CD36: variants seen among roughly 807,000 people sequenced by gnomAD.
The protein encoded by CD36 is platelet glycoprotein 4.
In CD36, 119 loss-of-function variants were observed where a neutral mutation model predicts 55.2. The ratio of observed to expected loss-of-function variants is 2.15; its 90% CI spans 1.86 to 2.51. The LOEUF is 2.51. Among genes scored for constraint, CD36 ranks in the 30% most tolerant of loss-of-function variants. CD36 has a pLI of 0.00. For missense variants in CD36, 819 were observed against 555.5 expected, an observed-to-expected ratio of 1.47 and a Z score of -4.77; for synonymous variants, 186 against 193.6, an observed-to-expected ratio of 0.96 and a Z score of 0.33.
chr7:80,673,801 C>G (rs539211571), intron 13 of CD36, 182 bp from the exon 14 acceptor site: 2 of 639,138 alleles, frequency 3.1e-6, no homozygotes, highest in South Asian at 1.8e-5. Context: ...TGAAGAGTAC[C>G]GTACTCTATC....
At chr7:80,673,466 T>C (rs1797933086) in intron 13 of CD36, 57 bp downstream of exon 13, 2 of 952,180 alleles carry the variant, frequency 2.1e-6, no homozygotes, top group Admixed American at 3.4e-5. Flanking sequence ...ATAAACAAGC[T>C]CTTGATGTTT....
At chr7:80,663,272 C>T in intron 6 of CD36, 103 bp downstream of exon 6, 1 of 984,308 alleles carries the variant, frequency 1.0e-6, no homozygotes, top group East Asian at 2.5e-5. Context: ...AGTCTTATTG[C>T]TGATCTGGAG....
At chr7:80,643,608 G>C (rs1172614794) in intron 1 of CD36, among the ~76,000 whole-genome samples, 1 of 152,110 alleles carries the variant, frequency 6.6e-6, no homozygotes, top group African/African-American at 2.4e-5. Flanking sequence ...GGAACAGGAA[G>C]ACAAAGTTAA....
chr7:80,661,274 A>AATGATAGGAT, intron 5 of CD36, 64 bp downstream of exon 5: 3 of 1,421,138 alleles, frequency 2.1e-6, no homozygotes, highest in Non-Finnish European at 3.0e-6. Flanking sequence ...AATTAATCCT[A>AATGATAGGAT]TCATTAGAAT....
At chr7:80,648,134 T>C (rs1238660791) in intron 3 of CD36, among the ~76,000 whole-genome samples, 1 of 152,088 alleles carries the variant, frequency 6.6e-6, no homozygotes, top group Non-Finnish European at 1.5e-5. Context: ...TTAGTTTTCT[T>C]GATAGTATTT....
intron 13 of CD36, chr7:80,673,752 C>A: frequency 1.7e-6 from 1 of 580,828 alleles, no homozygotes; most frequent in Non-Finnish European, 3.0e-6. Context: ...AACTGTTGAC[C>A]CTTTGATAGT....
rs868514702 is a variant in CD36, at chr7:80,658,272, T to A, written c.281+1572T>A. Among the ~76,000 whole-genome samples the A allele has an allele frequency of 8.8e-5, 12 of 137,086 alleles. No homozygotes were observed. In the Middle Eastern group the frequency reaches 0.02, roughly 227 times the overall value. 89.9% of individuals were successfully genotyped at this position (137,086 alleles called of 152,430 possible). The stretch of plus-strand genomic sequence containing the variant: ...AGAATGTTGTTAGGTGTACCATATA[T>A]ATATACACACATATATATATATGTA... On this transcript the variant is annotated intron_variant, in intron 4 of 14. Transcript: ENST00000447544.
At chr7:80,611,480 G>A (rs958882420) in intron 1 of CD36, among the ~76,000 whole-genome samples, 3 of 152,164 alleles carry the variant, frequency 2.0e-5, no homozygotes, top group Admixed American at 6.5e-5. Context: ...TGATAGCACT[G>A]GAGTTAGGAG....
chr7:80,609,390 T>A (rs559377723), intron 1 of CD36, among the ~76,000 whole-genome samples: 43 of 152,192 alleles, frequency 2.8e-4, no homozygotes, highest in Non-Finnish European at 5.6e-4. Flanking sequence ...AATGCAGTCC[T>A]GGCATAAGGA....
upstream of CD36, among the ~76,000 whole-genome samples, chr7:80,635,418 G>C (rs180979427): frequency 4.6e-5 from 7 of 152,066 alleles, no homozygotes; most frequent in Admixed American, 1.3e-4. Flanking sequence ...GGGATTACAG[G>C]CATGCACCAC....
chr7:80,638,490 T>C (rs1794574206), upstream of CD36: 1 of 150,602 alleles, frequency 6.6e-6, no homozygotes, highest in Non-Finnish European at 1.5e-5. Flanking sequence ...ATATCAGTAA[T>C]GTGCTGTGTG....
At chr7:80,672,920 T>C in intron 12 of CD36, 77 bp downstream of exon 12, 1 of 931,498 alleles carries the variant, frequency 1.1e-6, no homozygotes, top group Non-Finnish European at 1.7e-6. Context: ...TGAGTAAATC[T>C]ATGTAAGTAA....
intron 1 of CD36, among the ~76,000 whole-genome samples, chr7:80,626,794 AT>A (rs1793767113): frequency 6.6e-6 from 1 of 151,962 alleles, no homozygotes; most frequent in Non-Finnish European, 1.5e-5. Flanking sequence ...TTGTTTGAGT[AT>A]TTGTTCCCTG....
At chr7:80,662,896 G>C in intron 5 of CD36, 94 bp from the exon 6 acceptor site, 1 of 1,032,204 alleles carries the variant, frequency 9.7e-7, no homozygotes, top group South Asian at 1.4e-5. Context: ...GCTTTAAAAA[G>C]TTTTGTATTA....
Position 80,672,025 on chromosome 7 carries a change from C to CTTGGATAT in CD36, c.1112_1119dup (p.Glu374TrpfsTer6), listed in dbSNP as rs1242969201. Reference sequence around the variant, plus strand: ...CAAATGAAGAAGAACATAGGACATACTTGGATATTGAACCTGTAAGAAAAC... The same window carrying CTTGGATAT: ...CAAATGAAGAAGAACATAGGACATACTTGGATATTTGGATATTGAACCTGTAAGAAAAC... On this transcript the variant is annotated frameshift_variant, in exon 11 of 15. Coordinates refer to ENST00000447544, the MANE Select transcript of CD36 (RefSeq NM_001001548.3). LOFTEE classifies it high-confidence loss of function. 6 of 1,606,546 alleles carry CTTGGATAT rather than the reference C, an allele frequency of 3.7e-6. No individual in the cohort carries two copies. In the African/African-American group the frequency reaches 8.0e-5, roughly 22 times the overall value.
chr7:80,669,840 T>C, intron 8 of CD36, 113 bp from the exon 9 acceptor site: 1 of 790,298 alleles, frequency 1.3e-6, no homozygotes, highest in Non-Finnish European at 2.3e-6. Flanking sequence ...GCTAGATAAA[T>C]TACTTAGGCA....
At chr7:80,622,197 T>C (rs1056041533) in intron 1 of CD36, among the ~76,000 whole-genome samples, 3 of 152,212 alleles carry the variant, frequency 2.0e-5, no homozygotes, top group African/African-American at 4.8e-5. Context: ...ATAAAATTAT[T>C]TTCTGTCTTC....
chr7:80,668,166 G>T (rs901447698), intron 8 of CD36, among the ~76,000 whole-genome samples: 1 of 152,124 alleles, frequency 6.6e-6, no homozygotes, highest in African/African-American at 2.4e-5. Context: ...TGTATAAGCG[G>T]AATACTTAGT....
chr7:80,663,278 T>A (rs1412928209), intron 6 of CD36, 109 bp downstream of exon 6: 1 of 918,666 alleles, frequency 1.1e-6, no homozygotes, highest in African/African-American at 1.6e-5. Context: ...ATTGCTGATC[T>A]GGAGACATAT....
Sources: gnomAD v4.1 joint callset for allele counts (sites outside exome capture counted in the v4.1 genomes callset) on GRCh38, gnomAD v4.1.1 for gene constraint, MANE v1.5 for transcripts, NCBI Gene and HGNC (gene_info 2026-07-23, HGNC 2026-07-21) for gene names.